Variants in BCL11A observed in about 807,000 individuals in gnomAD.
BCL11A encodes the protein BCL11 transcription factor A.
In BCL11A, 2 loss-of-function variants were observed where a neutral mutation model predicts 55.9. The ratio of observed to expected loss-of-function variants is 0.04; its 90% CI spans 0.01 to 0.11. The LOEUF (loss-of-function observed/expected upper bound fraction) is 0.11, where lower values mean the gene tolerates loss of function less well. Among genes scored for constraint, BCL11A ranks in the 10% least tolerant of loss-of-function variants. BCL11A has a pLI of 1.00. For synonymous variants in BCL11A, 465 were observed against 473.4 expected (o/e 0.98, Z 0.23); for missense variants, 817 against 1,137.1 (o/e 0.72, Z 4.05).
chr2:60,478,968 GTT>G (rs67125871), intron 2 of BCL11A, among the ~76,000 whole-genome samples: 6 of 146,132 alleles, frequency 4.1e-5, no homozygotes, highest in Non-Finnish European at 6.0e-5. Context: ...TTTGTTTTTT[GTT>G]TTTTTTTTTT....
chr2:60,467,126 G>GTGATGGTGGTGGTGGTGGTGA (rs1676680701), intron 3 of BCL11A, among the ~76,000 whole-genome samples: 1 of 133,706 alleles, frequency 7.5e-6, no homozygotes, highest in Non-Finnish European at 1.6e-5. Context: ...GGTGGTGGTG[G>GTGATGGTGGTGGTGGTGGTGA]TGATGGTGGT....
At chr2:60,508,938 T>C (rs1679813650) in intron 2 of BCL11A, 1 of 152,296 alleles carries the variant, frequency 6.6e-6, no homozygotes, top group Admixed American at 6.5e-5. Flanking sequence ...TACCCACTGC[T>C]ACTTAAGGTG....
intron 1 of BCL11A, among the ~76,000 whole-genome samples, chr2:60,552,445 C>A (rs556516284): frequency 7.2e-5 from 11 of 151,866 alleles, no homozygotes; most frequent in Non-Finnish European, 2.9e-5. Flanking sequence ...GGCGGCGGCG[C>A]GGGAGGGCAA....
At chr2:60,551,927 A>C (rs1246207975) in intron 1 of BCL11A, among the ~76,000 whole-genome samples, 1 of 152,046 alleles carries the variant, frequency 6.6e-6, no homozygotes, top group East Asian at 1.9e-4. Flanking sequence ...AGGCTCCCGC[A>C]CACGCGGTGC....
intron 3 of BCL11A, among the ~76,000 whole-genome samples, chr2:60,465,480 T>C (rs1012493604): frequency 2.0e-5 from 3 of 152,224 alleles, no homozygotes; most frequent in African/African-American, 7.2e-5. Flanking sequence ...AATCAGCTAT[T>C]AGCCCACCTA....
chr2:60,460,239 C>A lies in BCL11A; in HGVS notation c.*165G>T. On this transcript the variant is annotated 3_prime_UTR_variant, in exon 4 of 4. Transcript: ENST00000642384. The stretch of plus-strand genomic sequence containing the variant: ...AAAACAGGTGTGCTGGTGACAAGCA[C>A]TCTCATATTCTTAGCTTCGTTACTT... 12 of 1,316,562 alleles carry A rather than the reference C, an allele frequency of 9.1e-6. No homozygotes were observed. In the South Asian group the frequency reaches 9.6e-5, roughly 11 times the overall value. The allele number at this position is 1,316,562 out of a possible 1,614,324, so 81.6% of individuals were successfully genotyped here. A position where few individuals can be genotyped will look rare whatever the true frequency, so the allele number is the denominator to read the frequency against.
intron 2 of BCL11A, chr2:60,526,333 C>T (rs927037202): frequency 6.6e-6 from 1 of 152,138 alleles, no homozygotes; most frequent in Non-Finnish European, 1.5e-5. Flanking sequence ...GTGCCCACGC[C>T]AAAGTCTCTA....
At chr2:60,544,791 C>T (rs954121438) in intron 2 of BCL11A, 2 of 152,198 alleles carry the variant, frequency 1.3e-5, no homozygotes, top group African/African-American at 2.4e-5. Context: ...AGCGATCCAC[C>T]AACAGGCATG....
Position 60,457,667 on chromosome 2 carries a change from T to C in BCL11A, c.*2737A>G. 2.9e-6 allele frequency: 3 copies of C among 1,033,718 alleles called. No homozygotes were observed. Among genetic ancestry groups the C allele is most frequent in the Non-Finnish European group, 3.5e-6 (3 of 859,360 alleles). 64.0% of individuals were successfully genotyped at this position (1,033,718 alleles called of 1,614,324 possible). A position where few individuals can be genotyped will look rare whatever the true frequency, so the allele number is the denominator to read the frequency against. ...TGGCAATGAAAAAAACTGCAAAACATTGGTTTTTTTTTTTTTTTCCTTTTT... is the reference window on the plus strand; with the variant it reads ...TGGCAATGAAAAAAACTGCAAAACACTGGTTTTTTTTTTTTTTTCCTTTTT... On this transcript the variant is annotated 3_prime_UTR_variant, in exon 4 of 4. Transcript: ENST00000642384.
chr2:60,536,697 G>T (rs756989017), intron 2 of BCL11A: 8 of 152,162 alleles, frequency 5.3e-5, no homozygotes, highest in Non-Finnish European at 7.3e-5. Flanking sequence ...CCCCCTGCTG[G>T]CAACACCGCA....
intron 2 of BCL11A, among the ~76,000 whole-genome samples, chr2:60,518,409 T>G (rs749698244): frequency 6.6e-6 from 1 of 152,232 alleles, no homozygotes; most frequent in Non-Finnish European, 1.5e-5. Flanking sequence ...TAATTTAGTT[T>G]TAAAATGTCT....
At chr2:60,487,581 CA>C (rs1165993621) in intron 2 of BCL11A, among the ~76,000 whole-genome samples, 12 of 152,052 alleles carry the variant, frequency 7.9e-5, no homozygotes, top group Non-Finnish European at 1.5e-4. Flanking sequence ...AAATCCAGAA[CA>C]AAACAAAACA....
chr2:60,480,422 G>A (rs1026266309), intron 2 of BCL11A, among the ~76,000 whole-genome samples: 9 of 152,192 alleles, frequency 5.9e-5, no homozygotes, highest in Admixed American at 2.0e-4. Context: ...GGATTCAAGC[G>A]CTGTGCAGTG....
intron 2 of BCL11A, among the ~76,000 whole-genome samples, chr2:60,530,859 C>T (rs1669422177): frequency 6.6e-6 from 1 of 152,160 alleles, no homozygotes. Context: ...TGTTCTCCTA[C>T]CTCTTTCGAG....
chr2:60,549,492 G>A (rs914752892), intron 1 of BCL11A, among the ~76,000 whole-genome samples: 1 of 152,232 alleles, frequency 6.6e-6, no homozygotes, highest in Non-Finnish European at 1.5e-5. Flanking sequence ...CAGGGGCCCC[G>A]GCAAGGGTGG....
chr2:60,540,946 TTGTGTGTGTG>T (rs368895286), intron 2 of BCL11A, among the ~76,000 whole-genome samples: 157 of 140,316 alleles, frequency 1.1e-3, no homozygotes, highest in African/African-American at 2.1e-3. Flanking sequence ...AGCACTGGTT[TTGTGTGTGTG>T]TGTGTGTGTG....
intron 3 of BCL11A, among the ~76,000 whole-genome samples, chr2:60,467,835 TGGTGGTGGTG>T: frequency 8.5e-6 from 1 of 118,248 alleles, no homozygotes; most frequent in Admixed American, 7.5e-5. Context: ...GTGATGGTGG[TGGTGGTGGTG>T]ATGCTACTGG....
chr2:60,501,840 T>A (rs1300677531), intron 2 of BCL11A, among the ~76,000 whole-genome samples: 2 of 152,162 alleles, frequency 1.3e-5, no homozygotes, highest in African/African-American at 4.8e-5. Context: ...AGTGTGCTCA[T>A]CTCACATAAA....
At chr2:60,503,999 C>A (rs917238000) in intron 2 of BCL11A, among the ~76,000 whole-genome samples, 6 of 152,184 alleles carry the variant, frequency 3.9e-5, no homozygotes, top group Non-Finnish European at 7.3e-5. Flanking sequence ...TAAGGCCCAA[C>A]CCAGCCAAAA....
Sources: gnomAD v4.1 joint callset for allele counts (sites outside exome capture counted in the v4.1 genomes callset) on GRCh38, gnomAD v4.1.1 for gene constraint, MANE v1.5 for transcripts, NCBI Gene and HGNC (gene_info 2026-07-23, HGNC 2026-07-21) for gene names.